Variants in EEF1AKMT2 observed in about 807,000 individuals in gnomAD.
The protein encoded by EEF1AKMT2 is EEF1A lysine methyltransferase 2, also known as eukaryotic translation elongation factor 1 alpha lysine methyltransferase 2.
A neutral mutation model predicts 35.8 loss-of-function variants in EEF1AKMT2; 32 were observed. That is an observed-to-expected ratio of 0.89 (90% confidence interval 0.67 to 1.20). The LOEUF is 1.20. EEF1AKMT2 is among the 50% of genes most tolerant of loss of function. EEF1AKMT2 has a pLI of 0.00. For missense variants in EEF1AKMT2, 330 were observed against 347.5 expected (o/e 0.95, Z 0.40); for synonymous variants, 121 against 133.7 (o/e 0.91, Z 0.65).
chr10:124,777,831 C>A (rs1328461269), intron 3 of EEF1AKMT2, among the ~76,000 whole-genome samples: 1 of 152,066 alleles, frequency 6.6e-6, no homozygotes, highest in African/African-American at 2.4e-5. Flanking sequence ...CTGTGCCCAG[C>A]CCTAAAGATA....
At position 124,760,066 on chromosome 10, in the gene EEF1AKMT2, C is replaced by T; in HGVS notation, c.*437G>A. The T allele has an allele frequency of 4.0e-6, 1 of 250,080 alleles. No homozygotes were observed. Among genetic ancestry groups the T allele is most frequent in the Non-Finnish European group, 7.5e-6 (1 of 133,664 alleles). The allele number at this position is 250,080 out of a possible 1,614,324, so 15.5% of individuals were successfully genotyped here. A position where few individuals can be genotyped will look rare whatever the true frequency, so the allele number is the denominator to read the frequency against. Reference sequence around the variant, plus strand: ...TCAAATATTCATAAATAGTTATCAACTTTACCAAGGCACAAAAATCAAGAA... The same window carrying T: ...TCAAATATTCATAAATAGTTATCAATTTTACCAAGGCACAAAAATCAAGAA... On this transcript the variant is annotated 3_prime_UTR_variant, in exon 7 of 7. Coordinates refer to ENST00000368836, the MANE Select transcript of EEF1AKMT2 (RefSeq NM_212554.4).
intron 2 of EEF1AKMT2, among the ~76,000 whole-genome samples, chr10:124,789,760 TAAA>T (rs535532582): frequency 8.8e-6 from 1 of 114,070 alleles, no homozygotes. Context: ...CCCACCTCTC[TAAA>T]AAAAAAAAAA....
chr10:124,782,632 C>T (rs989994923), intron 3 of EEF1AKMT2, among the ~76,000 whole-genome samples: 27 of 138,888 alleles, frequency 1.9e-4, no homozygotes, highest in South Asian at 7.0e-4. Context: ...GACAACAGGG[C>T]GAAACCCCGT....
At chr10:124,763,140 T>A (rs367875686) in intron 5 of EEF1AKMT2, among the ~76,000 whole-genome samples, 1 of 152,216 alleles carries the variant, frequency 6.6e-6, no homozygotes, top group South Asian at 2.1e-4. Flanking sequence ...CCTGAATAGA[T>A]TCAGAAAGAC....
rs974135406 is a variant in EEF1AKMT2 at position 124,782,992 on chromosome 10, TATA to T, written c.291+6048_291+6050del. On this transcript the variant is annotated intron_variant, in intron 3 of 6. Coordinates refer to ENST00000368836, the MANE Select transcript of EEF1AKMT2 (RefSeq NM_212554.4). Reference sequence around the variant, plus strand: ...CTGGCTACAAGAAATTCACTTCAAATATAATAATAAGGTAAGTTAAAAGGATGG... The same window carrying T: ...CTGGCTACAAGAAATTCACTTCAAATATAATAAGGTAAGTTAAAAGGATGG... 4.5e-5 allele frequency: 19 copies of T among 425,746 alleles called. 1 individual carries two copies. The highest frequency in any genetic ancestry group is 7.4e-5 in the Non-Finnish European group (16 of 217,562). The allele number at this position is 425,746 out of a possible 1,614,324, so 26.4% of individuals were successfully genotyped here.
At chr10:124,785,981 A>G (rs1195980466) in intron 3 of EEF1AKMT2, among the ~76,000 whole-genome samples, 1 of 152,074 alleles carries the variant, frequency 6.6e-6, no homozygotes, top group Non-Finnish European at 1.5e-5. Flanking sequence ...CTCATTAGAG[A>G]AATGCAAATT....
At chr10:124,783,461 T>G (rs1249710791) in intron 3 of EEF1AKMT2, among the ~76,000 whole-genome samples, 1 of 152,110 alleles carries the variant, frequency 6.6e-6, no homozygotes, top group East Asian at 1.9e-4. Flanking sequence ...TGGAGAAATT[T>G]AAACTCTCAT....
chr10:124,774,831 T>C, intron 3 of EEF1AKMT2, 49 bp from the exon 4 acceptor site: 1 of 901,886 alleles, frequency 1.1e-6, no homozygotes, highest in Non-Finnish European at 1.6e-6. Context: ...AATATAATGT[T>C]TTGTTTATGA....
At chr10:124,772,401 G>A (rs1040105968) in intron 4 of EEF1AKMT2, among the ~76,000 whole-genome samples, 1 of 147,110 alleles carries the variant, frequency 6.8e-6, no homozygotes, top group Non-Finnish European at 1.5e-5. Flanking sequence ...ATGTCATGGA[G>A]ATGGCTTCTT....
chr10:124,779,489 G>A (rs911625431), intron 3 of EEF1AKMT2, among the ~76,000 whole-genome samples: 26 of 150,036 alleles, frequency 1.7e-4, no homozygotes, highest in Admixed American at 3.3e-4. Context: ...GCTCACGCCT[G>A]TAATCCCAGC....
intron 6 of EEF1AKMT2, 103 bp from the exon 7 acceptor site, chr10:124,760,606 T>C: frequency 1.2e-6 from 1 of 864,082 alleles, no homozygotes. Flanking sequence ...TTTGTAAAAC[T>C]ATGATTCCAA....
intron 3 of EEF1AKMT2, among the ~76,000 whole-genome samples, chr10:124,788,044 A>G (rs1042678329): frequency 6.6e-5 from 10 of 152,212 alleles, no homozygotes; most frequent in Admixed American, 2.0e-4. Context: ...TATGGTTCCT[A>G]TCTTTAACTT....
chr10:124,778,749 A>G (rs1043632402), intron 3 of EEF1AKMT2, among the ~76,000 whole-genome samples: 1 of 151,980 alleles, frequency 6.6e-6, no homozygotes, highest in Non-Finnish European at 1.5e-5. Context: ...AAAAACAGAA[A>G]AATCTCAAAA....
At chr10:124,783,204 C>A (rs1950558229) in intron 3 of EEF1AKMT2, among the ~76,000 whole-genome samples, 1 of 140,290 alleles carries the variant, frequency 7.1e-6, no homozygotes, top group Non-Finnish European at 1.5e-5. Context: ...GCAGTGGGGC[C>A]ATCTCGGCTC....
chr10:124,764,802 T>C (rs1249799438), intron 5 of EEF1AKMT2, among the ~76,000 whole-genome samples: 1 of 152,244 alleles, frequency 6.6e-6, no homozygotes, highest in Non-Finnish European at 1.5e-5. Flanking sequence ...ATCAGTGCAC[T>C]GAAGCCAGAA....
Position 124,771,607 on chromosome 10 carries a change from C to T in EEF1AKMT2, c.399+3068G>A, listed in dbSNP as rs938866275. 1.4e-4 allele frequency among the ~76,000 whole-genome samples: 21 copies of T among 151,946 alleles called. 1 individual carries two copies. The highest frequency in any genetic ancestry group is 8.3e-4 in the South Asian group (4 of 4,816). On this transcript the variant is annotated intron_variant, in intron 4 of 6. Transcript: ENST00000368836. ...TTAATCGGCTGGGCATGGTGGCTCA[C>T]GCCTGTAATCCCAGCACTTTGGGAG...
At chr10:124,780,539 T>A (rs1309218382) in intron 3 of EEF1AKMT2, among the ~76,000 whole-genome samples, 1 of 152,088 alleles carries the variant, frequency 6.6e-6, no homozygotes, top group East Asian at 1.9e-4. Context: ...TCAATTGAAA[T>A]ATAACATTTG....
chr10:124,760,320 A>G lies in EEF1AKMT2; in HGVS notation c.*183T>C. ...ACATGTGCATCCTGTGTACTTACTA[A>G]GCATTTATTTGCACAAGGATTTTCT... On this transcript the variant is annotated 3_prime_UTR_variant, in exon 7 of 7. Coordinates refer to ENST00000368836, the MANE Select transcript of EEF1AKMT2 (RefSeq NM_212554.4). The G allele has an allele frequency of 1.3e-6, 1 of 795,714 alleles. No homozygotes were observed. Among genetic ancestry groups the G allele is most frequent in the Non-Finnish European group, 2.1e-6 (1 of 482,168 alleles). The allele number at this position is 795,714 out of a possible 1,614,324, so 49.3% of individuals were successfully genotyped here. A position where few individuals can be genotyped will look rare whatever the true frequency, so the allele number is the denominator to read the frequency against.
chr10:124,777,429 C>T (rs1950497413), intron 3 of EEF1AKMT2, among the ~76,000 whole-genome samples: 1 of 152,030 alleles, frequency 6.6e-6, no homozygotes, highest in African/African-American at 2.4e-5. Flanking sequence ...CATGGTATGG[C>T]TTATTACTCC....
Sources: gnomAD v4.1 joint callset for allele counts (sites outside exome capture counted in the v4.1 genomes callset) on GRCh38, gnomAD v4.1.1 for gene constraint, MANE v1.5 for transcripts, NCBI Gene and HGNC (gene_info 2026-07-23, HGNC 2026-07-21) for gene names.